RNF32: variants seen among roughly 807,000 people sequenced by gnomAD.
RNF32 encodes the protein ring finger protein 32.
A neutral mutation model predicts 41.0 loss-of-function variants in RNF32; 36 were observed. The observed-to-expected ratio is 0.88, with a 90% CI of 0.67 to 1.16. The LOEUF is 1.16. Ranked by LOEUF, RNF32 falls within the 50% of genes most tolerant of loss-of-function variation. RNF32 has a pLI of 0.00. For missense variants in RNF32, 413 were observed against 436.7 expected (o/e 0.95, Z 0.48); for synonymous variants, 154 against 160.9 (o/e 0.96, Z 0.32).
At chr7:156,664,460 CA>C (rs1272616699) in intron 7 of RNF32, among the ~76,000 whole-genome samples, 31 of 145,300 alleles carry the variant, frequency 2.1e-4, no homozygotes, top group Admixed American at 4.8e-4. Flanking sequence ...AAACTCCATC[CA>C]AAAAAAAAAG....
chr7:156,669,665 C>T lies in RNF32; in HGVS notation c.685-6031C>T, dbSNP rs557657308. Among the ~76,000 whole-genome samples, 4 of 152,272 alleles carry T rather than the reference C, an allele frequency of 2.6e-5. No homozygotes were observed. Among genetic ancestry groups the T allele is most frequent in the African/African-American group, 9.6e-5 (4 of 41,558 alleles). ...ACACTGGAAACTGCCCTCAGAGCCC[C>T]GGGGATGCGAGGTCAGCAGCTGGGA... On this transcript the variant is annotated intron_variant, in intron 7 of 8. Transcript: ENST00000317955. The surrounding 1 kb of genome is among the most constrained non-coding windows in gnomAD (Gnocchi z 4.2).
chr7:156,640,548 G>T (rs759268781), upstream of RNF32: 30 of 389,074 alleles, frequency 7.7e-5, no homozygotes, highest in Non-Finnish European at 1.4e-4. Context: ...GCGTCTAGAC[G>T]CTGACGCCGT....
At chr7:156,658,436 G>A in intron 6 of RNF32, 26 bp from the exon 7 acceptor site, 1 of 1,578,256 alleles carries the variant, frequency 6.3e-7, no homozygotes, top group Non-Finnish European at 8.7e-7. Flanking sequence ...TCATAAATTA[G>A]TCATTTTCAA....
At chr7:156,658,025 T>TA in intron 5 of RNF32, 103 bp from the exon 6 acceptor site, 1 of 1,215,438 alleles carries the variant, frequency 8.2e-7, no homozygotes, top group East Asian at 2.3e-5. Flanking sequence ...GTCTCATAGT[T>TA]ATGGGAGAAA....
chr7:156,676,538 T>C lies in RNF32; in HGVS notation c.972T>C (p.His324=), dbSNP rs2131785749. The part of the protein sequence containing the change: ...SREMALLSCS[H]VFHHACLLAL... ...AGATGGCCCTCCTGTCCTGCTCACATGTGTTCCACCATGCGTGTCTGCTGG... is the reference window on the plus strand; with the variant it reads ...AGATGGCCCTCCTGTCCTGCTCACACGTGTTCCACCATGCGTGTCTGCTGG... Residue 324 remains histidine (H), a synonymous_variant, in exon 9 of 9, where the codon CAT becomes CAC. Transcript: ENST00000317955. The C allele has an allele frequency of 6.2e-7, 1 of 1,614,120 alleles. No individual in the cohort carries two copies. The highest frequency in any genetic ancestry group is 8.5e-7 in the Non-Finnish European group (1 of 1,179,952).
At chr7:156,653,520 G>GA in intron 3 of RNF32, among the ~76,000 whole-genome samples, 1 of 152,282 alleles carries the variant, frequency 6.6e-6, no homozygotes, top group South Asian at 2.1e-4. Context: ...TTCTGTACTC[G>GA]AAAGTGTCCC....
intron 3 of RNF32, among the ~76,000 whole-genome samples, chr7:156,647,644 C>T (rs977462111): frequency 1.3e-5 from 2 of 152,144 alleles, no homozygotes; most frequent in African/African-American, 4.8e-5. Context: ...AATAAACATA[C>T]GTATGCATGC....
rs73744306 is a variant in RNF32 at position 156,669,454 on chromosome 7, C to T, written c.685-6242C>T. Among the ~76,000 whole-genome samples, 51 of 152,216 alleles carry T rather than the reference C, an allele frequency of 3.4e-4. 1 individual carries two copies. Among genetic ancestry groups the T allele is most frequent in the African/African-American group, 1.2e-3 (50 of 41,528 alleles). On this transcript the variant is annotated intron_variant, in intron 7 of 8. Transcript: ENST00000317955. This position sits in a 1 kb window ranked among gnomAD's most constrained non-coding sequence, Gnocchi z 4.2. ...GCACCCTGAACCCAAATGGAGGAAC[C>T]GTGCCGTTCCCTGGAACCTCTGTCC... is the stretch of plus-strand genomic sequence containing the variant.
intron 4 of RNF32, among the ~76,000 whole-genome samples, chr7:156,656,674 C>G (rs568142195): frequency 6.6e-6 from 1 of 152,332 alleles, no homozygotes; most frequent in Admixed American, 6.5e-5. Flanking sequence ...CATCCTGGGC[C>G]GGCTGAGATT....
chr7:156,667,938 G>A (rs891956572), intron 7 of RNF32, among the ~76,000 whole-genome samples: 7 of 152,150 alleles, frequency 4.6e-5, no homozygotes, highest in South Asian at 2.1e-4. Context: ...GAATTTTGAC[G>A]CTGAAAGTAA....
chr7:156,644,504 C>T lies in RNF32; in HGVS notation c.21C>T (p.His7=), dbSNP rs781173751. Residue 7 remains histidine, a synonymous_variant, in exon 3 of 9, where the codon CAC becomes CAT. Transcript: ENST00000317955. MLKNKG[H]SSKKDNLAVN... ...ACTTTTTTCCTACTTTTTAGGGTCA[C>T]TCATCTAAGAAAGATAACTTGGCAG... 2 of 1,608,480 alleles carry T rather than the reference C, an allele frequency of 1.2e-6. No individual in the cohort carries two copies. The highest frequency in any genetic ancestry group is 1.3e-5 in the African/African-American group (1 of 74,728).
Position 156,675,716 on chromosome 7 carries a change from C to T in RNF32, c.705C>T (p.Arg235=). 1 of 1,613,732 alleles carries T rather than the reference C, an allele frequency of 6.2e-7. No individual in the cohort carries two copies. Among genetic ancestry groups the T allele is most frequent in the Non-Finnish European group, 8.5e-7 (1 of 1,179,690 alleles). ...FEKKFTEISH[R]ILCSYNTNIE... ...CTCAGTTCACAGAAATCAGCCACCG[C>T]ATCCTGTGCTCATACAACACCAACA... The change falls in exon 8 of 9, where the codon CGC becomes CGT. Residue 235 remains arginine, a synonymous_variant. Transcript: ENST00000317955.
chr7:156,654,764 C>A, intron 4 of RNF32, 46 bp downstream of exon 4: 1 of 1,576,552 alleles, frequency 6.3e-7, no homozygotes, highest in South Asian at 1.1e-5. Context: ...GGGCTGTTTC[C>A]TAGGGACGAG....
intron 7 of RNF32, chr7:156,659,271 C>A: frequency 9.8e-7 from 1 of 1,023,666 alleles, no homozygotes; most frequent in Non-Finnish European, 1.2e-6. Flanking sequence ...GCCCAGCACA[C>A]AGTAGGTGCT....
chr7:156,675,518 T>C (rs1303756555), intron 7 of RNF32, among the ~76,000 whole-genome samples, 178 bp from the exon 8 acceptor site: 1 of 152,192 alleles, frequency 6.6e-6, no homozygotes, highest in African/African-American at 2.4e-5. Context: ...TGGTCATCTG[T>C]CCAGATTATC....
chr7:156,676,665 C>A lies in RNF32; in HGVS notation c.*10C>A. On this transcript the variant is annotated 3_prime_UTR_variant, in exon 9 of 9. Coordinates refer to ENST00000317955, the MANE Select transcript of RNF32 (RefSeq NM_030936.4). ...GATTCTTGAATGTTGAATTCATAGT[C>A]AAGGAAAGTTAGGTAATTCTGAGGA... The A allele has an allele frequency of 6.2e-7, 1 of 1,603,784 alleles. No individual in the cohort carries two copies. Among genetic ancestry groups the A allele is most frequent in the South Asian group, 1.1e-5 (1 of 90,824 alleles).
At chr7:156,654,500 G>A in intron 3 of RNF32, 76 bp from the exon 4 acceptor site, 1 of 1,253,960 alleles carries the variant, frequency 8.0e-7, no homozygotes, top group East Asian at 2.4e-5. Flanking sequence ...GTTTGCAAAT[G>A]GTGTCATTAA....
At position 156,676,621 on chromosome 7, in the gene RNF32, G is replaced by A. The variant is rs746501649; in HGVS notation, c.1055G>A (p.Arg352His). 1.6e-5 allele frequency: 26 copies of A among 1,613,820 alleles called. 1 individual carries two copies. Among genetic ancestry groups the A allele is most frequent in the Admixed American group, 1.2e-4 (7 of 60,008 alleles). The change falls in exon 9 of 9, where the codon CGC becomes CAC. Residue 352 changes from arginine (R) to histidine (H), a missense_variant. Coordinates refer to ENST00000317955, the MANE Select transcript of RNF32 (RefSeq NM_030936.4). ...RPPFHACPLCRSCYQKKILEC is the reference protein window; with the variant it reads ...RPPFHACPLCHSCYQKKILEC Reference sequence around the variant, plus strand: ...CCTTTCCATGCCTGTCCTCTCTGCCGCTCCTGCTACCAGAAGAAGATTCTT... The same window carrying A: ...CCTTTCCATGCCTGTCCTCTCTGCCACTCCTGCTACCAGAAGAAGATTCTT...
intron 7 of RNF32, among the ~76,000 whole-genome samples, 198 bp from the exon 8 acceptor site, chr7:156,675,498 G>A (rs1304636406): frequency 1.3e-5 from 2 of 152,174 alleles, no homozygotes. Flanking sequence ...CCATCAGATA[G>A]GGGTTCTTGT....
Sources: allele counts gnomAD v4.1 joint callset (sites outside exome capture counted in the v4.1 genomes callset), GRCh38; gene constraint gnomAD v4.1.1; non-coding constraint Gnocchi (gnomAD v3.1); transcripts MANE v1.5; gene names NCBI Gene and HGNC (gene_info 2026-07-23, HGNC 2026-07-21).